SLC39A11: variants seen among roughly 807,000 people sequenced by gnomAD.
The protein encoded by SLC39A11 is solute carrier family 39 member 11, also known as zinc transporter ZIP11.
SLC39A11 carries 33 observed loss-of-function variants against 36.1 expected under a neutral mutation model. The observed-to-expected ratio is 0.91, with a 90% CI of 0.69 to 1.22. The LOEUF is 1.22. SLC39A11 is among the 50% of genes most tolerant of loss of function. The pLI, the probability that SLC39A11 is intolerant of heterozygous loss-of-function variation, is 0.00. For synonymous variants in SLC39A11, 166 were observed against 170.3 expected (o/e 0.97, Z 0.20); for missense variants, 432 against 430.3 (o/e 1.00, Z -0.03).
At chr17:72,754,415 CA>C (rs1321994457) in intron 6 of SLC39A11, among the ~76,000 whole-genome samples, 1 of 152,054 alleles carries the variant, frequency 6.6e-6, no homozygotes, top group Non-Finnish European at 1.5e-5. Flanking sequence ...TGTAACCAAA[CA>C]CCGTCGCTTC....
chr17:72,811,192 A>G (rs765369295), intron 6 of SLC39A11, among the ~76,000 whole-genome samples: 2 of 152,116 alleles, frequency 1.3e-5, no homozygotes, highest in Non-Finnish European at 2.9e-5. Context: ...CAGCAGATTC[A>G]TTGTCTGGGA....
At chr17:72,811,129 C>CTGTGAGA (rs1371956793) in intron 6 of SLC39A11, among the ~76,000 whole-genome samples, 12 of 151,418 alleles carry the variant, frequency 7.9e-5, no homozygotes, top group Non-Finnish European at 1.0e-4. Context: ...TTACAAACAA[C>CTGTGAGA]AATTGTTTGT....
chr17:72,756,942 G>A (rs1325177162), intron 6 of SLC39A11, among the ~76,000 whole-genome samples: 4 of 148,282 alleles, frequency 2.7e-5, no homozygotes, highest in African/African-American at 4.9e-5. Context: ...GAGGTCAGGA[G>A]TTTGAGACCA....
intron 4 of SLC39A11, among the ~76,000 whole-genome samples, chr17:73,028,117 C>T (rs1237900731): frequency 1.3e-5 from 2 of 152,172 alleles, no homozygotes; most frequent in African/African-American, 2.4e-5. Context: ...TGTGGGACTC[C>T]ATCATCAGGG....
At chr17:72,998,034 G>A (rs1273822438) in intron 4 of SLC39A11, among the ~76,000 whole-genome samples, 1 of 152,130 alleles carries the variant, frequency 6.6e-6, no homozygotes. Flanking sequence ...TGTGAAGAAG[G>A]AAAATAAATT....
chr17:72,853,425 A>G (rs2079474145), intron 5 of SLC39A11, among the ~76,000 whole-genome samples: 1 of 151,948 alleles, frequency 6.6e-6, no homozygotes, highest in Non-Finnish European at 1.5e-5. Context: ...ACAATCACCG[A>G]CAGTTGCGCT....
intron 7 of SLC39A11, among the ~76,000 whole-genome samples, chr17:72,725,084 T>C (rs1186312467): frequency 1.3e-5 from 2 of 152,240 alleles, no homozygotes; most frequent in African/African-American, 2.4e-5. Context: ...TGGACTTCCT[T>C]GGCCTGGCCC....
At chr17:73,051,878 T>G (rs574352139) in intron 3 of SLC39A11, among the ~76,000 whole-genome samples, 3 of 148,260 alleles carry the variant, frequency 2.0e-5, no homozygotes, top group African/African-American at 7.5e-5. Flanking sequence ...AGCAAAAAGT[T>G]TGTTGGTGCC....
At chr17:73,069,028 C>A (rs923211097) in intron 3 of SLC39A11, among the ~76,000 whole-genome samples, 1 of 152,140 alleles carries the variant, frequency 6.6e-6, no homozygotes, top group African/African-American at 2.4e-5. Flanking sequence ...CACCTCCCAA[C>A]CAAACGAATA....
chr17:72,823,679 T>A (rs1371454961), intron 6 of SLC39A11: 1 of 151,328 alleles, frequency 6.6e-6, no homozygotes, highest in Non-Finnish European at 1.5e-5. Context: ...TGCTCAATAA[T>A]CCCAAATAGG....
intron 3 of SLC39A11, among the ~76,000 whole-genome samples, chr17:73,053,967 G>T (rs1026916456): frequency 2.6e-5 from 4 of 152,158 alleles, no homozygotes; most frequent in African/African-American, 9.7e-5. Context: ...ATTTCTTGCT[G>T]CCTATTTTGA....
chr17:72,862,075 C>T (rs540342157), intron 5 of SLC39A11, among the ~76,000 whole-genome samples: 3 of 152,062 alleles, frequency 2.0e-5, no homozygotes, highest in Admixed American at 6.6e-5. Flanking sequence ...AAGGGAAATA[C>T]ATCTCTTTCT....
chr17:72,694,048 G>C (rs774214579), intron 7 of SLC39A11, among the ~76,000 whole-genome samples: 2 of 152,180 alleles, frequency 1.3e-5, no homozygotes, highest in Non-Finnish European at 2.9e-5. Flanking sequence ...TCTGGGGCTG[G>C]ACTGAGGGAG....
intron 3 of SLC39A11, among the ~76,000 whole-genome samples, chr17:73,073,432 C>A (rs1435114618): frequency 6.6e-6 from 1 of 152,176 alleles, no homozygotes; most frequent in African/African-American, 2.4e-5. Context: ...TCAAATGGGG[C>A]ATCTGGGGCA....
chr17:72,940,409 G>A (rs2085033674), intron 5 of SLC39A11, among the ~76,000 whole-genome samples: 2 of 152,044 alleles, frequency 1.3e-5, no homozygotes, highest in African/African-American at 2.4e-5. Flanking sequence ...CCACGTAGCT[G>A]GGATTACAGG....
intron 7 of SLC39A11, among the ~76,000 whole-genome samples, 153 bp from the exon 8 acceptor site, chr17:72,649,421 G>T (rs1013032925): frequency 6.6e-6 from 1 of 152,228 alleles, no homozygotes; most frequent in African/African-American, 2.4e-5. Flanking sequence ...AGGTCAGGAC[G>T]TGTGTCTAGG....
chr17:72,739,659 G>A (rs978725536), intron 6 of SLC39A11, among the ~76,000 whole-genome samples: 3 of 152,098 alleles, frequency 2.0e-5, no homozygotes, highest in African/African-American at 4.8e-5. Context: ...CAGCGTGCAC[G>A]TGCACACCTT....
intron 4 of SLC39A11, among the ~76,000 whole-genome samples, chr17:72,986,597 C>G (rs191249826): frequency 1.4e-3 from 210 of 152,360 alleles, no homozygotes; most frequent in African/African-American, 4.8e-3. Flanking sequence ...CATCAGCCAC[C>G]TTGACAGCTT....
chr17:72,669,800 C>T (rs1297418901), intron 7 of SLC39A11, among the ~76,000 whole-genome samples: 1 of 151,914 alleles, frequency 6.6e-6, no homozygotes, highest in African/African-American at 2.4e-5. Context: ...TGGAGACCCT[C>T]CTGGGCAACA....
Sources: allele counts gnomAD v4.1 joint callset (sites outside exome capture counted in the v4.1 genomes callset), GRCh38; gene constraint gnomAD v4.1.1; transcripts MANE v1.5; gene names NCBI Gene and HGNC (gene_info 2026-07-23, HGNC 2026-07-21).